ATP8A2: variants seen among roughly 807,000 people sequenced by gnomAD.
ATP8A2 encodes the protein phospholipid-transporting ATPase IB.
ATP8A2 carries 100 observed loss-of-function variants against 165.6 expected under a neutral mutation model. The observed-to-expected ratio is 0.60, with a 90% CI of 0.51 to 0.71. The LOEUF is 0.71. Ranked by LOEUF, ATP8A2 falls within the 30% of genes least tolerant of loss-of-function variation. ATP8A2 has a pLI of 0.00. For synonymous variants in ATP8A2, 543 were observed against 548.8 expected (o/e 0.99, Z 0.15); for missense variants, 1,227 against 1,479.5 (o/e 0.83, Z 2.80).
At chr13:25,978,582 C>T (rs1956111371) in intron 35 of ATP8A2, among the ~76,000 whole-genome samples, 1 of 152,182 alleles carries the variant, frequency 6.6e-6, no homozygotes, top group Admixed American at 6.5e-5. Flanking sequence ...GTTAAAGTGA[C>T]TTTGTAGTGC....
chr13:25,425,677 C>G (rs991192842), intron 1 of ATP8A2, among the ~76,000 whole-genome samples: 9 of 151,992 alleles, frequency 5.9e-5, no homozygotes, highest in Non-Finnish European at 7.4e-5. Flanking sequence ...TGGGTTCACA[C>G]CATTCTCCTG....
chr13:25,868,326 T>G lies in ATP8A2; in HGVS notation c.3183+5918T>G, dbSNP rs547565946. Among the ~76,000 whole-genome samples, 3 of 152,352 alleles carry G rather than the reference T, an allele frequency of 2.0e-5. No individual in the cohort carries two copies. In the East Asian group the frequency reaches 5.8e-4, roughly 29 times the overall value. The stretch of plus-strand genomic sequence containing the variant: ...ATCTTAAGGTTACTGGAATTAATCT[T>G]TAATGCAATATTGAATAGACTCGGT... On this transcript the variant is annotated intron_variant, in intron 33 of 36. Coordinates refer to ENST00000381655, the MANE Select transcript of ATP8A2 (RefSeq NM_016529.6).
At chr13:25,805,409 G>A (rs1262762748) in intron 27 of ATP8A2, among the ~76,000 whole-genome samples, 1 of 152,066 alleles carries the variant, frequency 6.6e-6, no homozygotes, top group Non-Finnish European at 1.5e-5. Flanking sequence ...CTAGCTACTT[G>A]GGAAGCTAAG....
intron 34 of ATP8A2, 46 bp downstream of exon 34, chr13:25,961,709 C>T (rs751427175): frequency 5.0e-6 from 7 of 1,407,430 alleles, no homozygotes; most frequent in Non-Finnish European, 6.0e-6. Context: ...GCTCATCTGT[C>T]CCTGGAATTG....
rs116629605 is a variant in ATP8A2, at chr13:25,700,714, C to T, written c.2384+1369C>T. On this transcript the variant is annotated intron_variant, in intron 25 of 36. Transcript: ENST00000381655. ...CGTAGGTTTTCGACTCCTCTGGGTA[C>T]GTGCCTAGAAATGGAGTTGCTGGGT... Among the ~76,000 whole-genome samples the T allele has an allele frequency of 2.8e-3, 423 of 152,220 alleles. 5 individuals carry two copies. The highest frequency in any genetic ancestry group is 9.6e-3 in the African/African-American group (398 of 41,538).
At chr13:25,689,468 A>T (rs1363340801) in intron 24 of ATP8A2, among the ~76,000 whole-genome samples, 1 of 152,110 alleles carries the variant, frequency 6.6e-6, no homozygotes, top group East Asian at 1.9e-4. Context: ...TGGTAGTTTC[A>T]TTTTTCATTT....
chr13:25,930,607 C>T (rs114629354), intron 33 of ATP8A2, among the ~76,000 whole-genome samples: 6 of 152,292 alleles, frequency 3.9e-5, no homozygotes, highest in African/African-American at 7.2e-5. Flanking sequence ...TTATTTGTTT[C>T]GTGTTAACAT....
chr13:25,935,641 G>A (rs560822467), intron 33 of ATP8A2, among the ~76,000 whole-genome samples: 1 of 152,234 alleles, frequency 6.6e-6, no homozygotes, highest in Admixed American at 6.5e-5. Flanking sequence ...AGAGAACAAG[G>A]GGTAGGGGAA....
At chr13:25,752,200 C>T (rs1813755) in intron 25 of ATP8A2, among the ~76,000 whole-genome samples, 90,270 of 152,026 alleles carry the variant, frequency 0.59, 28,077 homozygotes, top group Middle Eastern at 0.71. Context: ...GTGGCTCACG[C>T]CTGTAATCCC....
chr13:25,699,024 T>TTAATGTA lies in ATP8A2; in HGVS notation c.2212-145_2212-139dup, dbSNP rs1385316255. ...ACCCAGAGGGCATTGCATTGAAATTTTAATGTATAAATGTGCAAAGCTGAA... is the reference window on the plus strand; with the variant it reads ...ACCCAGAGGGCATTGCATTGAAATTTTAATGTATAATGTATAAATGTGCAAAGCTGAA... On this transcript the variant is annotated intron_variant, in intron 24 of 36. Coordinates refer to ENST00000381655, the MANE Select transcript of ATP8A2 (RefSeq NM_016529.6). The TTAATGTA allele has an allele frequency of 8.8e-6, 5 of 570,476 alleles. No homozygotes were observed. The Admixed American group carries it at 1.5e-4, about 18-fold the overall frequency. 35.3% of individuals were successfully genotyped at this position (570,476 alleles called of 1,614,324 possible).
chr13:25,711,367 A>G (rs1349518760), intron 25 of ATP8A2, among the ~76,000 whole-genome samples: 1 of 152,102 alleles, frequency 6.6e-6, no homozygotes, highest in Non-Finnish European at 1.5e-5. Flanking sequence ...CTGAGAGACT[A>G]TTCTAAAGAT....
At chr13:25,414,090 C>G (rs1008343972) in intron 1 of ATP8A2, among the ~76,000 whole-genome samples, 1 of 151,820 alleles carries the variant, frequency 6.6e-6, no homozygotes, top group Non-Finnish European at 1.5e-5. Context: ...ATTAGGAAAC[C>G]GGGACCCACA....
chr13:25,928,905 G>A (rs1954688045), intron 33 of ATP8A2, among the ~76,000 whole-genome samples: 1 of 152,200 alleles, frequency 6.6e-6, no homozygotes, highest in South Asian at 2.1e-4. Flanking sequence ...GGATGCCACG[G>A]GTGAACAGTT....
At chr13:25,434,416 T>C (rs2034699203) in intron 1 of ATP8A2, among the ~76,000 whole-genome samples, 2 of 152,176 alleles carry the variant, frequency 1.3e-5, no homozygotes, top group Admixed American at 1.3e-4. Context: ...AGGCGTTATC[T>C]TGGCTCACTG....
At chr13:25,386,860 G>A (rs1163238745) in intron 1 of ATP8A2, among the ~76,000 whole-genome samples, 19 of 151,684 alleles carry the variant, frequency 1.3e-4, no homozygotes, top group Admixed American at 2.6e-4. Flanking sequence ...AGCCGGGCGT[G>A]GTGGCGGGCA....
At chr13:25,840,807 T>C (rs1249839303) in intron 30 of ATP8A2, among the ~76,000 whole-genome samples, 1 of 152,064 alleles carries the variant, frequency 6.6e-6, no homozygotes, top group Non-Finnish European at 1.5e-5. Flanking sequence ...CAGGAAGGAT[T>C]AGTGATGGGA....
chr13:25,884,068 T>C (rs1347854889), intron 33 of ATP8A2, among the ~76,000 whole-genome samples: 2 of 152,206 alleles, frequency 1.3e-5, no homozygotes, highest in Non-Finnish European at 2.9e-5. Flanking sequence ...TTCTTCAGAC[T>C]TACCTGTCTA....
intron 1 of ATP8A2, among the ~76,000 whole-genome samples, chr13:25,412,297 G>T (rs1186553973): frequency 1.4e-5 from 2 of 147,938 alleles, no homozygotes; most frequent in African/African-American, 2.4e-5. Flanking sequence ...TACCTAGGAT[G>T]CCATAAAGCA....
chr13:25,609,565 T>TCAAATATATATATATATATTTGGATCC, intron 24 of ATP8A2, among the ~76,000 whole-genome samples: 1 of 120,774 alleles, frequency 8.3e-6, no homozygotes, highest in African/African-American at 3.0e-5. Context: ...ATATTTGGAT[T>TCAAATATATATATATATATTTGGATCC]CAAATATATA....
Sources: allele counts gnomAD v4.1 joint callset (sites outside exome capture counted in the v4.1 genomes callset), GRCh38; gene constraint gnomAD v4.1.1; transcripts MANE v1.5; gene names NCBI Gene and HGNC (gene_info 2026-07-23, HGNC 2026-07-21).